The following KDM4C variants were observed in gnomAD, a reference collection of about 807,000 sequenced individuals.
KDM4C encodes lysine demethylase 4C.
A neutral mutation model predicts 129.3 loss-of-function variants in KDM4C; 81 were observed. The ratio of observed to expected loss-of-function variants is 0.63; its 90% confidence interval spans 0.52 to 0.75. The LOEUF (loss-of-function observed/expected upper bound fraction) is 0.75. Ranked by LOEUF, KDM4C falls within the 30% of genes least tolerant of loss-of-function variation. KDM4C has a pLI of 0.00. For synonymous variants in KDM4C, 573 were observed against 456.1 expected, an observed-to-expected ratio of 1.26 and a Z score of -3.26; for missense variants, 1,457 against 1,304.0, an observed-to-expected ratio of 1.12 and a Z score of -1.81.
intron 5 of KDM4C, among the ~76,000 whole-genome samples, chr9:6,857,238 A>G (rs1020890568): frequency 1.3e-5 from 2 of 152,202 alleles, no homozygotes; most frequent in African/African-American, 4.8e-5. Context: ...TTCGAAACCA[A>G]CCTGGTTAAC....
chr9:6,876,044 T>A (rs888326987), intron 5 of KDM4C, among the ~76,000 whole-genome samples: 1 of 152,120 alleles, frequency 6.6e-6, no homozygotes, highest in South Asian at 2.1e-4. Context: ...AGAGTTGAGT[T>A]TTGGATATTC....
chr9:6,893,349 C>G, intron 8 of KDM4C, 117 bp downstream of exon 8: 3 of 688,828 alleles, frequency 4.4e-6, no homozygotes, highest in Non-Finnish European at 6.8e-6. Context: ...CCATGTGCCT[C>G]TCACCACAGC....
At chr9:6,995,558 A>C (rs753996032) in intron 12 of KDM4C, among the ~76,000 whole-genome samples, 1 of 152,248 alleles carries the variant, frequency 6.6e-6, no homozygotes, top group South Asian at 2.1e-4. Flanking sequence ...TAATGCCTCC[A>C]ATATAAGGTT....
At chr9:7,042,565 G>C (rs1828770028) in intron 15 of KDM4C, among the ~76,000 whole-genome samples, 1 of 152,008 alleles carries the variant, frequency 6.6e-6, no homozygotes, top group Non-Finnish European at 1.5e-5. Context: ...GTTTTGAAAA[G>C]GAGTTCTTGA....
intron 12 of KDM4C, among the ~76,000 whole-genome samples, chr9:7,000,759 T>C (rs2792239): frequency 0.99 from 151,304 of 152,328 alleles, 75,152 homozygotes; most frequent in Middle Eastern, 1. Flanking sequence ...TTCTTGGAGA[T>C]AGAATGTCTC....
chr9:7,085,316 G>A (rs1273526815), intron 17 of KDM4C, among the ~76,000 whole-genome samples: 1 of 152,178 alleles, frequency 6.6e-6, no homozygotes, highest in South Asian at 2.1e-4. Flanking sequence ...TTTTTTTTCA[G>A]TTGCAGAATT....
chr9:6,748,758 C>T lies in KDM4C; in HGVS notation c.49+27761C>T, dbSNP rs779091757. The T allele has an allele frequency of 1.1e-5, 16 of 1,470,486 alleles. No homozygotes were observed. In the South Asian group the frequency reaches 1.5e-4, roughly 13 times the overall value. The allele number at this position is 1,470,486 out of a possible 1,614,324, so 91.1% of individuals were successfully genotyped here. A position where few individuals can be genotyped will look rare whatever the true frequency, so the allele number is the denominator to read the frequency against. ...ATTATCTCCTTTTAGCATGATCCGA[C>T]CCAGTTGTTTTCTTGACTTTGTTTT... On this transcript the variant is annotated intron_variant, in intron 1 of 17. Coordinates refer to the KDM4C transcript ENST00000536108.
At chr9:6,926,352 AAAAGGAC>A (rs1358292195) in intron 8 of KDM4C, among the ~76,000 whole-genome samples, 1 of 151,024 alleles carries the variant, frequency 6.6e-6, no homozygotes. Context: ...AAAAAAAAAA[AAAAGGAC>A]CAAAATAAAA....
chr9:6,864,326 A>G (rs763204048), intron 5 of KDM4C, among the ~76,000 whole-genome samples: 1 of 152,198 alleles, frequency 6.6e-6, no homozygotes, highest in African/African-American at 2.4e-5. Context: ...ATGCCATCTC[A>G]CTACTTCTTG....
At chr9:6,745,798 G>A (rs1817853896) in intron 1 of KDM4C, among the ~76,000 whole-genome samples, 1 of 150,108 alleles carries the variant, frequency 6.7e-6, no homozygotes, top group Non-Finnish European at 1.5e-5. Flanking sequence ...ACCATGCCTG[G>A]CTCCTTTTTG....
At chr9:7,026,518 T>G (rs1825845908) in intron 15 of KDM4C, among the ~76,000 whole-genome samples, 1 of 152,174 alleles carries the variant, frequency 6.6e-6, no homozygotes, top group African/African-American at 2.4e-5. Flanking sequence ...GGATCCTTTT[T>G]TTCCCCTTGA....
chr9:7,032,445 G>C (rs1826935357), intron 15 of KDM4C, among the ~76,000 whole-genome samples: 1 of 152,156 alleles, frequency 6.6e-6, no homozygotes, highest in African/African-American at 2.4e-5. Flanking sequence ...TTGTCTCTTG[G>C]AATCTTCTGC....
chr9:7,042,676 G>A (rs927301550), intron 15 of KDM4C, among the ~76,000 whole-genome samples: 1 of 152,058 alleles, frequency 6.6e-6, no homozygotes, highest in Non-Finnish European at 1.5e-5. Flanking sequence ...CTTGTCAGTT[G>A]TGAACTTCAC....
Position 6,880,027 on chromosome 9 carries a change from G to A in KDM4C, c.645G>A (p.Pro215=), listed in dbSNP as rs755964375. The change falls in exon 6 of 22, where the codon CCG becomes CCA. Residue 215 remains proline (P), a synonymous_variant. Transcript: ENST00000381309. ...GEPKSWYAIP[P]EHGKRLERLA... Reference sequence around the variant, plus strand: ...AAAATTTTAGGTATGCTATACCTCCGGAGCATGGAAAACGACTTGAAAGAC... The same window carrying A: ...AAAATTTTAGGTATGCTATACCTCCAGAGCATGGAAAACGACTTGAAAGAC... 1 of 1,597,910 alleles carries A rather than the reference G, an allele frequency of 6.3e-7. No homozygotes were observed. Among genetic ancestry groups the A allele is most frequent in the South Asian group, 1.1e-5 (1 of 89,078 alleles).
At chr9:6,835,532 A>C in intron 4 of KDM4C, 1 of 1,473,368 alleles carries the variant, frequency 6.8e-7, no homozygotes, top group Non-Finnish European at 9.5e-7. Flanking sequence ...AGCAAGCAGG[A>C]GTATGATGAG....
chr9:7,173,367 C>G (rs886649202), intron 21 of KDM4C, among the ~76,000 whole-genome samples: 1 of 152,190 alleles, frequency 6.6e-6, no homozygotes, highest in African/African-American at 2.4e-5. Flanking sequence ...GAGCAGAGCA[C>G]GGGGCAGGCT....
At chr9:6,922,845 C>G (rs544151747) in intron 8 of KDM4C, among the ~76,000 whole-genome samples, 1 of 152,330 alleles carries the variant, frequency 6.6e-6, no homozygotes, top group African/African-American at 2.4e-5. Flanking sequence ...GAACTTCAGC[C>G]AGAAATTCAG....
Position 6,758,070 on chromosome 9 carries a change from G to T in KDM4C, c.-151G>T. On this transcript the variant is annotated 5_prime_UTR_variant, in exon 1 of 22. Transcript: ENST00000381309. The surrounding 1 kb of genome is among the most constrained non-coding windows in gnomAD (Gnocchi z 4.6). ...AGTGATCGGGCGGCCGGGGTCCTGT[G>T]CGCGTGCGCAGCGAACAGCTGTCAC... 1.0e-6 allele frequency: 1 copy of T among 985,482 alleles called. No individual in the cohort carries two copies. The highest frequency in any genetic ancestry group is 1.2e-6 in the Non-Finnish European group (1 of 829,978). The allele number at this position is 985,482 out of a possible 1,614,324, so 61.0% of individuals were successfully genotyped here.
chr9:6,828,570 G>A (rs1834274660), intron 4 of KDM4C, among the ~76,000 whole-genome samples: 1 of 151,584 alleles, frequency 6.6e-6, no homozygotes, highest in Non-Finnish European at 1.5e-5. Flanking sequence ...GTCAGACATA[G>A]TTTAAAAATT....
Sources: gnomAD v4.1 joint callset for allele counts (sites outside exome capture counted in the v4.1 genomes callset) on GRCh38, gnomAD v4.1.1 for gene constraint, Gnocchi (gnomAD v3.1) non-coding constraint, MANE v1.5 for transcripts, NCBI Gene and HGNC (gene_info 2026-07-23, HGNC 2026-07-21) for gene names.